The following PREX2 variants were observed in gnomAD, a reference collection of about 807,000 sequenced individuals.
PREX2 encodes the protein phosphatidylinositol-3,4,5-trisphosphate dependent Rac exchange factor 2.
Under a neutral mutation model 203.2 loss-of-function variants are expected in PREX2, and 107 were observed. The ratio of observed to expected loss-of-function variants is 0.53; its 90% confidence interval spans 0.45 to 0.62. The LOEUF (loss-of-function observed/expected upper bound fraction) is 0.62, where lower values mean the gene tolerates loss of function less well. PREX2 is among the 20% of genes least tolerant of loss of function. The pLI is 0.00. For missense variants in PREX2, 1,777 were observed against 1,955.9 expected (o/e 0.91, Z 1.72); for synonymous variants, 672 against 663.6 (o/e 1.01, Z -0.19).
chr8:67,962,653 C>T (rs746366775), intron 1 of PREX2, among the ~76,000 whole-genome samples: 25 of 151,182 alleles, frequency 1.7e-4, no homozygotes, highest in Non-Finnish European at 2.9e-4. Flanking sequence ...GTTGCCCAGG[C>T]TAGAGTGCAG....
At chr8:68,112,303 A>G (rs997982996) in intron 25 of PREX2, among the ~76,000 whole-genome samples, 1 of 152,238 alleles carries the variant, frequency 6.6e-6, no homozygotes, top group African/African-American at 2.4e-5. Flanking sequence ...AGGAAAAATA[A>G]TTAATGTCCA....
chr8:68,021,784 T>C (rs954851896), intron 3 of PREX2, among the ~76,000 whole-genome samples: 2 of 152,194 alleles, frequency 1.3e-5, no homozygotes, highest in African/African-American at 4.8e-5. Context: ...TTTCTGTGCT[T>C]TGCCACCCTT....
At chr8:68,219,759 T>C (rs1812917756) in intron 38 of PREX2, among the ~76,000 whole-genome samples, 1 of 152,196 alleles carries the variant, frequency 6.6e-6, no homozygotes, top group Non-Finnish European at 1.5e-5. Context: ...CCTTCCAGTA[T>C]TCAGCAGTAG....
At position 68,157,452 on chromosome 8, in the gene PREX2, A is replaced by G. The variant is rs183399267; in HGVS notation, c.4346+16A>G. 8 of 1,399,974 alleles carry G rather than the reference A, an allele frequency of 5.7e-6. No homozygotes were observed. The Admixed American group carries it at 1.0e-4, about 18-fold the overall frequency. 86.7% of individuals were successfully genotyped at this position (1,399,974 alleles called of 1,614,324 possible). A position where few individuals can be genotyped will look rare whatever the true frequency, so the allele number is the denominator to read the frequency against. ...AGAAGCTCAGGTATGTAACAATCCA[A>G]CTGAAAAATAATGAGTGTCTATATT... On this transcript the variant is annotated intron_variant, in intron 35 of 39. Transcript: ENST00000288368.
chr8:68,029,099 G>A lies in PREX2; in HGVS notation c.544-1398G>A, dbSNP rs114971248. Among the ~76,000 whole-genome samples, 1,153 of 152,126 alleles carry A rather than the reference G, an allele frequency of 7.6e-3. 21 individuals carry two copies. Among genetic ancestry groups the A allele is most frequent in the African/African-American group, 0.026 (1,070 of 41,530 alleles). On this transcript the variant is annotated intron_variant, in intron 5 of 39. Transcript: ENST00000288368. Reference sequence around the variant, plus strand: ...GCTGGGATTTTCTTTGATTTAGGGTGGTTTTGTTTATTCAGAAAAGATATT... The same window carrying A: ...GCTGGGATTTTCTTTGATTTAGGGTAGTTTTGTTTATTCAGAAAAGATATT...
At chr8:68,139,511 A>G (rs184510649) in intron 33 of PREX2, among the ~76,000 whole-genome samples, 33 of 152,278 alleles carry the variant, frequency 2.2e-4, no homozygotes, top group Admixed American at 2.0e-3. Flanking sequence ...CTTCCTAACC[A>G]TGACATTGAA....
chr8:68,072,876 T>C (rs1809240165), intron 14 of PREX2, among the ~76,000 whole-genome samples: 1 of 152,182 alleles, frequency 6.6e-6, no homozygotes, highest in South Asian at 2.1e-4. Context: ...TAAAATATTT[T>C]TATGTTTTTT....
intron 4 of PREX2, among the ~76,000 whole-genome samples, chr8:68,025,979 T>C (rs1297601675): frequency 6.6e-6 from 1 of 152,134 alleles, no homozygotes; most frequent in Non-Finnish European, 1.5e-5. Flanking sequence ...GCTAACATAC[T>C]GGAATGGAAA....
rs565386124 is a variant in PREX2 at position 67,955,414 on chromosome 8, C to T, written c.141+2879C>T. ...AACAAAGCTCTGTGTCTTCAGCTGG[C>T]TACTCTTTCCATGGTGGGCTGTGCT... On this transcript the variant is annotated intron_variant, in intron 1 of 39. Transcript: ENST00000288368. 2.0e-5 allele frequency among the ~76,000 whole-genome samples: 3 copies of T among 152,298 alleles called. No homozygotes were observed. The South Asian group carries it at 6.2e-4, about 32-fold the overall frequency.
At chr8:68,177,402 C>T (rs745582558) in intron 35 of PREX2, among the ~76,000 whole-genome samples, 3 of 152,106 alleles carry the variant, frequency 2.0e-5, no homozygotes, top group African/African-American at 7.2e-5. Context: ...CTCATCTCTA[C>T]AAAATGTTTT....
At chr8:68,106,139 A>G in intron 23 of PREX2, 1 of 333,782 alleles carries the variant, frequency 3.0e-6, no homozygotes, top group Non-Finnish European at 5.8e-6. Flanking sequence ...TGGATGGATA[A>G]TTGTTTAAAA....
chr8:68,021,139 A>G (rs958916253), intron 3 of PREX2, among the ~76,000 whole-genome samples: 1 of 152,178 alleles, frequency 6.6e-6, no homozygotes, highest in Non-Finnish European at 1.5e-5. Context: ...CTCTTGTTTT[A>G]AAAGAATATC....
At chr8:68,003,829 C>G (rs1807013664) in intron 1 of PREX2, among the ~76,000 whole-genome samples, 3 of 142,754 alleles carry the variant, frequency 2.1e-5, no homozygotes, top group Middle Eastern at 3.8e-3. Context: ...CACAGGAGGT[C>G]TTCTGGCCTG....
intron 35 of PREX2, among the ~76,000 whole-genome samples, chr8:68,165,739 C>T (rs1420594403): frequency 6.6e-6 from 1 of 151,902 alleles, no homozygotes; most frequent in Admixed American, 6.6e-5. Flanking sequence ...CCAGCTTTTT[C>T]TTATTGTGCA....
Position 68,027,339 on chromosome 8 carries a change from C to CAATGAGGTAG in PREX2, c.543+16_543+17insAATGAGGTAG. The CAATGAGGTAG allele has an allele frequency of 6.9e-7, 1 of 1,444,722 alleles. No individual in the cohort carries two copies. The highest frequency in any genetic ancestry group is 9.7e-7 in the Non-Finnish European group (1 of 1,027,952). 89.5% of individuals were successfully genotyped at this position (1,444,722 alleles called of 1,614,324 possible). On this transcript the variant is annotated intron_variant, in intron 5 of 39. Transcript: ENST00000288368. ...TATTTTGAAGGTATTTTATGTGCTA[C>CAATGAGGTAG]CTCATTGTAGCCATTTTCTTGTATC...
chr8:68,136,202 A>G (rs1811109554), intron 32 of PREX2, among the ~76,000 whole-genome samples: 1 of 152,168 alleles, frequency 6.6e-6, no homozygotes. Context: ...CCCCTGAGCT[A>G]TACATTTTAA....
At chr8:68,218,161 G>A (rs1226717360) in intron 38 of PREX2, among the ~76,000 whole-genome samples, 1 of 152,160 alleles carries the variant, frequency 6.6e-6, no homozygotes, top group Non-Finnish European at 1.5e-5. Context: ...GCCATACTCA[G>A]TGTGTACATT....
chr8:68,036,906 C>T (rs1456400605), intron 6 of PREX2, among the ~76,000 whole-genome samples: 1 of 152,020 alleles, frequency 6.6e-6, no homozygotes, highest in Admixed American at 6.6e-5. Context: ...TGCCATTGCA[C>T]TCCAGGCTGG....
intron 23 of PREX2, chr8:68,106,467 A>G: frequency 2.5e-6 from 1 of 406,102 alleles, no homozygotes; most frequent in South Asian, 2.0e-5. Flanking sequence ...CATTTTGTTA[A>G]TAATTTCCTG....
Sources: gnomAD v4.1 joint callset for allele counts (sites outside exome capture counted in the v4.1 genomes callset) on GRCh38, gnomAD v4.1.1 for gene constraint, MANE v1.5 for transcripts, NCBI Gene and HGNC (gene_info 2026-07-23, HGNC 2026-07-21) for gene names.